The following CADM2 variants were observed in gnomAD, a reference collection of about 807,000 sequenced individuals.
CADM2 encodes the protein cell adhesion molecule 2.
Under a neutral mutation model 49.8 loss-of-function variants are expected in CADM2, and 12 were observed. That is an observed-to-expected ratio of 0.24 (90% CI 0.15 to 0.39). The LOEUF (loss-of-function observed/expected upper bound fraction) is 0.39, where lower values mean the gene tolerates loss of function less well. Among genes scored for constraint, CADM2 ranks in the 10% least tolerant of loss-of-function variants. CADM2 has a pLI of 1.00. For synonymous variants in CADM2, 214 were observed against 175.4 expected (o/e 1.22, Z -1.74); for missense variants, 378 against 492.3 (o/e 0.77, Z 2.20).
Position 86,068,773 on chromosome 3 carries a change from A to G in CADM2, c.*1990A>G, listed in dbSNP as rs1361212067. ...ATGTGGTTGAGTGTTAACATAATAAATCATATACAGTATGACATTTTAAGG... is the reference window on the plus strand; with the variant it reads ...ATGTGGTTGAGTGTTAACATAATAAGTCATATACAGTATGACATTTTAAGG... On this transcript the variant is annotated 3_prime_UTR_variant, in exon 10 of 10. Transcript: ENST00000383699. 1 of 152,374 alleles carries G rather than the reference A, an allele frequency of 6.6e-6. No individual in the cohort carries two copies. The allele number at this position is 152,374 out of a possible 1,614,324, so 9.4% of individuals were successfully genotyped here.
At chr3:85,224,856 G>C (rs1410166754) in intron 1 of CADM2, among the ~76,000 whole-genome samples, 1 of 152,116 alleles carries the variant, frequency 6.6e-6, no homozygotes, top group Admixed American at 6.6e-5. Flanking sequence ...TATTAAATAG[G>C]GATCGTTTCC....
rs1739527759 is a variant in CADM2 at position 86,068,145 on chromosome 3, T to C, written c.*1362T>C. The C allele has an allele frequency of 1.3e-5, 2 of 152,458 alleles. No individual in the cohort carries two copies. The highest frequency in any genetic ancestry group is 4.8e-5 in the African/African-American group (2 of 41,460). 9.4% of individuals were successfully genotyped at this position (152,458 alleles called of 1,614,324 possible). A position where few individuals can be genotyped will look rare whatever the true frequency, so the allele number is the denominator to read the frequency against. ...ATTCCTGTCTATGCATTTTGTGAGG[T>C]ACAAACTGATGAAACAGTGAGTGAT... On this transcript the variant is annotated 3_prime_UTR_variant, in exon 10 of 10. Transcript: ENST00000383699.
chr3:85,682,176 C>T (rs1227691234), intron 1 of CADM2, among the ~76,000 whole-genome samples: 1 of 152,020 alleles, frequency 6.6e-6, no homozygotes, highest in Non-Finnish European at 1.5e-5. Context: ...CTCTGACCAT[C>T]ACAAGATTGA....
intron 8 of CADM2, among the ~76,000 whole-genome samples, chr3:86,001,072 T>C (rs1206492687): frequency 6.6e-6 from 1 of 152,136 alleles, no homozygotes; most frequent in Non-Finnish European, 1.5e-5. Flanking sequence ...AATATTAGCA[T>C]GCAAAATTCA....
In CADM2 at chr3:85,895,013, G is replaced by A. The variant is rs148045008; in HGVS notation, c.529+8686G>A. 2.3e-3 allele frequency among the ~76,000 whole-genome samples: 358 copies of A among 152,354 alleles called. 4 individuals are homozygous for A. The highest frequency in any genetic ancestry group is 8.4e-3 in the African/African-American group (348 of 41,588). On this transcript the variant is annotated intron_variant, in intron 5 of 9. Coordinates refer to ENST00000383699, the MANE Select transcript of CADM2 (RefSeq NM_001167675.2). ...TAATTGGGGTCATAACCCCCACAGA[G>A]AGTCCCGACTGAGGCACTGCCTAGT...
At chr3:85,600,648 AGTT>A (rs1360319653) in intron 1 of CADM2, among the ~76,000 whole-genome samples, 1 of 151,196 alleles carries the variant, frequency 6.6e-6, no homozygotes, top group Non-Finnish European at 1.5e-5. Context: ...TATGCTTTTA[AGTT>A]GTTTTTTTTT....
At chr3:85,709,907 A>G (rs910043604) in intron 1 of CADM2, among the ~76,000 whole-genome samples, 6 of 152,106 alleles carry the variant, frequency 3.9e-5, no homozygotes, top group South Asian at 4.1e-4. Flanking sequence ...GCCAGCTTCA[A>G]TGTACGCTGT....
intron 1 of CADM2, among the ~76,000 whole-genome samples, chr3:85,110,556 C>A (rs1449038404): frequency 6.6e-6 from 1 of 151,896 alleles, no homozygotes; most frequent in Non-Finnish European, 1.5e-5. Context: ...AGGTACAAAT[C>A]CACAAAAGGT....
chr3:85,298,815 A>G (rs1185266317), intron 1 of CADM2, among the ~76,000 whole-genome samples: 1 of 152,150 alleles, frequency 6.6e-6, no homozygotes, highest in Non-Finnish European at 1.5e-5. Context: ...ACAAAAACTC[A>G]GTAAGAAGGA....
At chr3:85,692,381 G>A (rs774249230) in intron 1 of CADM2, among the ~76,000 whole-genome samples, 2 of 152,122 alleles carry the variant, frequency 1.3e-5, no homozygotes, top group Admixed American at 6.5e-5. Flanking sequence ...GAATATTTGC[G>A]TCGCAAGTTT....
In CADM2 at chr3:85,898,155, T is replaced by C. The variant is rs529096050; in HGVS notation, c.529+11828T>C. 8.5e-5 allele frequency among the ~76,000 whole-genome samples: 13 copies of C among 152,330 alleles called. No homozygotes were observed. The East Asian group carries it at 2.5e-3, about 29-fold the overall frequency. ...TCAAGACTCAGGCAATACTAGGAGA[T>C]ACATAAGTCACTCTATAGAAGGAGA... is the stretch of plus-strand genomic sequence containing the variant. On this transcript the variant is annotated intron_variant, in intron 5 of 9. Transcript: ENST00000383699.
chr3:85,207,931 A>G (rs779657126), intron 1 of CADM2, among the ~76,000 whole-genome samples: 24 of 152,276 alleles, frequency 1.6e-4, no homozygotes, highest in Non-Finnish European at 2.6e-4. Flanking sequence ...TAGTATAATC[A>G]TCATGAACCT....
intron 1 of CADM2, among the ~76,000 whole-genome samples, chr3:85,499,493 T>C (rs1230506199): frequency 1.3e-5 from 2 of 151,824 alleles, no homozygotes; most frequent in African/African-American, 4.8e-5. Flanking sequence ...ATGAAATTAA[T>C]TTTAGCTTAA....
intron 1 of CADM2, among the ~76,000 whole-genome samples, chr3:85,654,883 T>C (rs1393055944): frequency 6.6e-6 from 1 of 152,164 alleles, no homozygotes; most frequent in Middle Eastern, 3.2e-3. Flanking sequence ...TGTTAATTGA[T>C]TGATAGCTTT....
intron 8 of CADM2, chr3:86,012,631 C>A (rs1017948519): frequency 2.0e-4 from 306 of 1,562,506 alleles, no homozygotes; most frequent in Non-Finnish European, 2.5e-4. Flanking sequence ...TCTTCAGGTT[C>A]CCGCGGGACC....
chr3:85,166,969 C>T (rs925524944), intron 1 of CADM2, among the ~76,000 whole-genome samples: 4 of 151,888 alleles, frequency 2.6e-5, no homozygotes, highest in Admixed American at 2.6e-4. Context: ...TAACTAGCAA[C>T]AAAATATTCA....
intron 1 of CADM2, among the ~76,000 whole-genome samples, chr3:85,437,097 A>G (rs561175505): frequency 6.6e-6 from 1 of 152,188 alleles, no homozygotes; most frequent in African/African-American, 2.4e-5. Context: ...TTGGAATCAT[A>G]TAGTATGTAG....
At chr3:85,622,004 A>G (rs1325777440) in intron 1 of CADM2, among the ~76,000 whole-genome samples, 1 of 152,224 alleles carries the variant, frequency 6.6e-6, no homozygotes, top group East Asian at 1.9e-4. Flanking sequence ...TTTAATTTTA[A>G]AATTGGCAGA....
intron 8 of CADM2, among the ~76,000 whole-genome samples, chr3:86,035,820 G>A (rs1184460213): frequency 6.6e-6 from 1 of 152,040 alleles, no homozygotes; most frequent in African/African-American, 2.4e-5. Context: ...ATATACTGGT[G>A]GCTTAAACAA....
Sources: allele counts gnomAD v4.1 joint callset (sites outside exome capture counted in the v4.1 genomes callset), GRCh38; gene constraint gnomAD v4.1.1; transcripts MANE v1.5; gene names NCBI Gene and HGNC (gene_info 2026-07-23, HGNC 2026-07-21).